CSNK1G1: variants seen among roughly 807,000 people sequenced by gnomAD.
CSNK1G1 encodes casein kinase 1 gamma 1, also known as casein kinase I isoform gamma-1.
CSNK1G1 carries 22 observed loss-of-function variants against 59.6 expected under a neutral mutation model. The observed-to-expected ratio is 0.37, with a 90% CI of 0.26 to 0.53. The LOEUF is 0.53. Ranked by LOEUF, CSNK1G1 falls within the 20% of genes least tolerant of loss-of-function variation. The pLI, the probability that CSNK1G1 is intolerant of heterozygous loss-of-function variation, is 0.89. For synonymous variants in CSNK1G1, 179 were observed against 177.1 expected, an observed-to-expected ratio of 1.01 and a Z score of -0.08; for missense variants, 384 against 519.5, an observed-to-expected ratio of 0.74 and a Z score of 2.54.
chr15:64,285,581 A>C (rs1044487287), intron 2 of CSNK1G1, among the ~76,000 whole-genome samples: 2 of 152,204 alleles, frequency 1.3e-5, no homozygotes, highest in Non-Finnish European at 2.9e-5. Flanking sequence ...AGATACTGTT[A>C]ACATGTTAAC....
At chr15:64,342,119 C>T (rs1026147612) in intron 1 of CSNK1G1, among the ~76,000 whole-genome samples, 1 of 152,186 alleles carries the variant, frequency 6.6e-6, no homozygotes, top group Admixed American at 6.5e-5. Context: ...TAAAACTTTT[C>T]AGACTCAAGT....
In CSNK1G1 at chr15:64,168,622, G is replaced by A. The variant is rs533604799; in HGVS notation, c.*3309C>T. 4 of 152,300 alleles carry A rather than the reference G, an allele frequency of 2.6e-5. No homozygotes were observed. The highest frequency in any genetic ancestry group is 2.1e-4 in the South Asian group (1 of 4,828). The allele number at this position is 152,300 out of a possible 1,614,324, so 9.4% of individuals were successfully genotyped here. On this transcript the variant is annotated 3_prime_UTR_variant, in exon 12 of 12. Transcript: ENST00000303052. ...TGCATCAATCCTAAAGAAAAAGATC[G>A]TTAGGCACCATACTTGTGAAATGGA...
At chr15:64,267,130 G>A (rs954326720) in intron 2 of CSNK1G1, among the ~76,000 whole-genome samples, 9 of 151,840 alleles carry the variant, frequency 5.9e-5, no homozygotes, top group African/African-American at 1.5e-4. Flanking sequence ...GGTGGTGCAC[G>A]CCTGTAATCC....
intron 1 of CSNK1G1, among the ~76,000 whole-genome samples, chr15:64,320,375 A>G (rs1223848623): frequency 6.6e-6 from 1 of 151,980 alleles, no homozygotes; most frequent in Non-Finnish European, 1.5e-5. Flanking sequence ...CTCCTGTTGA[A>G]TTTTGCCATA....
chr15:64,180,367 C>G lies in CSNK1G1; in HGVS notation c.1195G>C (p.Glu399Gln), dbSNP rs763867496. 1.2e-6 allele frequency: 2 copies of G among 1,613,960 alleles called. No homozygotes were observed. The highest frequency in any genetic ancestry group is 2.7e-5 in the African/African-American group (2 of 74,926). ...NAPITAHAEV[E>Q]VVEEAKCCCF... The stretch of plus-strand genomic sequence containing the variant: ...ACGTACTTAGCTTCCTCCACTACCT[C>G]CACCTCGGCATGAGCTGTGATTGGT... The change falls in exon 11 of 12, where the codon GAG becomes CAG. Residue 399 changes from glutamate (E) to glutamine (Q), a missense_variant. Coordinates refer to ENST00000303052, the MANE Select transcript of CSNK1G1 (RefSeq NM_022048.5).
chr15:64,248,887 G>A (rs1472659143), intron 4 of CSNK1G1, among the ~76,000 whole-genome samples: 2 of 152,068 alleles, frequency 1.3e-5, no homozygotes, highest in African/African-American at 2.4e-5. Context: ...TTGGGAGGCC[G>A]AGGCAGGCGG....
intron 7 of CSNK1G1, among the ~76,000 whole-genome samples, chr15:64,205,436 A>G (rs1002234233): frequency 6.6e-6 from 1 of 152,202 alleles, no homozygotes; most frequent in African/African-American, 2.4e-5. Flanking sequence ...TCTTTCAACA[A>G]TGTGCTTCCA....
intron 2 of CSNK1G1, among the ~76,000 whole-genome samples, chr15:64,265,593 C>G (rs1892931248): frequency 6.6e-6 from 1 of 151,386 alleles, no homozygotes; most frequent in Admixed American, 6.6e-5. Context: ...ATTAGCCAGT[C>G]TTGGGTATGT....
intron 9 of CSNK1G1, among the ~76,000 whole-genome samples, chr15:64,204,233 T>C (rs2082147409): frequency 6.6e-6 from 1 of 151,814 alleles, no homozygotes; most frequent in Admixed American, 6.6e-5. Context: ...CTTCCTATAT[T>C]ACTAGGAAAA....
intron 3 of CSNK1G1, among the ~76,000 whole-genome samples, chr15:64,254,008 C>T (rs1352856533): frequency 6.6e-6 from 1 of 152,044 alleles, no homozygotes; most frequent in Non-Finnish European, 1.5e-5. Flanking sequence ...GGAGTGTCAG[C>T]GTGCGCCTGT....
At chr15:64,221,143 A>G (rs1225187685) in intron 4 of CSNK1G1, among the ~76,000 whole-genome samples, 1 of 152,206 alleles carries the variant, frequency 6.6e-6, no homozygotes, top group African/African-American at 2.4e-5. Flanking sequence ...ATTAATAAAC[A>G]TATTACTCCA....
chr15:64,248,503 C>G (rs1891880719), intron 4 of CSNK1G1, among the ~76,000 whole-genome samples: 1 of 152,056 alleles, frequency 6.6e-6, no homozygotes, highest in African/African-American at 2.4e-5. Context: ...GCTTGAGATA[C>G]AAGGGTAAAG....
intron 1 of CSNK1G1, among the ~76,000 whole-genome samples, chr15:64,337,378 T>G (rs1228321649): frequency 6.6e-6 from 1 of 152,202 alleles, no homozygotes; most frequent in East Asian, 1.9e-4. Context: ...AGACAGAATC[T>G]TGCTCTGCCA....
rs192496930 is a variant in CSNK1G1, at chr15:64,302,137, T to C, written c.-224-1414A>G. On this transcript the variant is annotated intron_variant, in intron 1 of 11. Coordinates refer to ENST00000303052, the MANE Select transcript of CSNK1G1 (RefSeq NM_022048.5). ...TATTTTTGAGATGGAATTTCGCTCG[T>C]TGCCTAGGCTGGAGTGCAATGGCGA... Among the ~76,000 whole-genome samples the C allele has an allele frequency of 2.6e-5, 4 of 152,292 alleles. No individual in the cohort carries two copies. In the East Asian group the frequency reaches 7.7e-4, roughly 29 times the overall value.
intron 4 of CSNK1G1, among the ~76,000 whole-genome samples, chr15:64,226,343 A>C (rs1283896907): frequency 3.3e-5 from 5 of 152,144 alleles, no homozygotes; most frequent in Non-Finnish European, 7.4e-5. Context: ...ATGGATCACG[A>C]GGTCAGGAGA....
At chr15:64,178,466 T>C (rs1055366222) in intron 11 of CSNK1G1, among the ~76,000 whole-genome samples, 19 of 150,610 alleles carry the variant, frequency 1.3e-4, no homozygotes, top group Non-Finnish European at 1.9e-4. Context: ...GCCCTGGTTT[T>C]CCAAGCAAAA....
intron 2 of CSNK1G1, among the ~76,000 whole-genome samples, chr15:64,281,763 C>A (rs1894148355): frequency 6.7e-6 from 1 of 150,334 alleles, no homozygotes; most frequent in Non-Finnish European, 1.5e-5. Context: ...TTACTTGAAC[C>A]TGAAAGGCAG....
intron 10 of CSNK1G1, among the ~76,000 whole-genome samples, chr15:64,187,164 T>G (rs1445174979): frequency 6.6e-6 from 1 of 151,764 alleles, no homozygotes; most frequent in Non-Finnish European, 1.5e-5. Flanking sequence ...GAGCTCTCCC[T>G]TTGTTGCTCA....
chr15:64,190,694 G>A (rs1421337472), intron 10 of CSNK1G1, among the ~76,000 whole-genome samples: 14 of 152,132 alleles, frequency 9.2e-5, no homozygotes, highest in African/African-American at 2.2e-4. Context: ...AATTACAGGC[G>A]TGAGCCACCG....
Sources: gnomAD v4.1 joint callset for allele counts (sites outside exome capture counted in the v4.1 genomes callset) on GRCh38, gnomAD v4.1.1 for gene constraint, MANE v1.5 for transcripts, NCBI Gene and HGNC (gene_info 2026-07-23, HGNC 2026-07-21) for gene names.